EFTUD2: variants seen among roughly 807,000 people sequenced by gnomAD.
The protein encoded by EFTUD2 is 116 kDa U5 small nuclear ribonucleoprotein component.
A neutral mutation model predicts 114.3 loss-of-function variants in EFTUD2; 9 were observed. The observed-to-expected ratio is 0.08, with a 90% CI of 0.05 to 0.14. EFTUD2 has a LOEUF of 0.14. Ranked by LOEUF, EFTUD2 falls within the 10% of genes least tolerant of loss-of-function variation. The pLI is 1.00. For missense variants in EFTUD2, 765 were observed against 1,241.2 expected, an observed-to-expected ratio of 0.62 and a Z score of 5.76; for synonymous variants, 449 against 462.3, an observed-to-expected ratio of 0.97 and a Z score of 0.37.
chr17:44,880,172 G>A (rs1193735827), intron 8 of EFTUD2, among the ~76,000 whole-genome samples: 4 of 152,162 alleles, frequency 2.6e-5, no homozygotes, highest in East Asian at 1.9e-4. Context: ...GCCAAGGTGC[G>A]CTGCTCCCAA....
intron 11 of EFTUD2, among the ~76,000 whole-genome samples, chr17:44,869,913 C>T (rs1404397020): frequency 6.6e-6 from 1 of 152,184 alleles, no homozygotes; most frequent in Non-Finnish European, 1.5e-5. Flanking sequence ...TTATAGAAGT[C>T]CGAAGTTGTT....
In EFTUD2 at chr17:44,894,444, C is replaced by T; in HGVS notation, c.78G>A (p.Leu26=). 1 of 1,613,776 alleles carries T rather than the reference C, an allele frequency of 6.2e-7. No individual in the cohort carries two copies. Among genetic ancestry groups the T allele is most frequent in the South Asian group, 1.1e-5 (1 of 91,066 alleles). ...CATCAAGATCTTTGGTCTCTCTACC[C>T]AATTCATCATCATCTTCATCAGAAT... ...ELDSDEDDDE[L]GRETKDLDEM... Residue 26 remains leucine (L), a synonymous_variant, in exon 2 of 28, where the codon TTG becomes TTA. Transcript: ENST00000426333.
chr17:44,880,166 A>G (rs2051045423), intron 8 of EFTUD2, among the ~76,000 whole-genome samples: 1 of 152,178 alleles, frequency 6.6e-6, no homozygotes, highest in South Asian at 2.1e-4. Context: ...GAGTCAGCCA[A>G]GGTGCGCTGC....
At chr17:44,892,246 G>C (rs766724894) in intron 2 of EFTUD2, 1 of 152,228 alleles carries the variant, frequency 6.6e-6, no homozygotes, top group Non-Finnish European at 1.5e-5. Flanking sequence ...TCAGCATTTT[G>C]GGAGGCCAAG....
chr17:44,885,081 A>C (rs769484828), intron 4 of EFTUD2, among the ~76,000 whole-genome samples, 175 bp downstream of exon 4: 9 of 152,244 alleles, frequency 5.9e-5, no homozygotes, highest in Non-Finnish European at 1.2e-4. Context: ...GAACACCAAG[A>C]GAAAAGTTAA....
intron 15 of EFTUD2, 77 bp downstream of exon 15, chr17:44,863,575 ACTC>A: frequency 6.5e-7 from 1 of 1,546,314 alleles, no homozygotes; most frequent in East Asian, 2.3e-5. Flanking sequence ...AGTGGGCATT[ACTC>A]CTGTGACCAG....
intron 11 of EFTUD2, 128 bp downstream of exon 11, chr17:44,872,318 A>T (rs1282130124): frequency 2.4e-6 from 3 of 1,261,540 alleles, no homozygotes; most frequent in Non-Finnish European, 3.4e-6. Context: ...CCCAAATGTG[A>T]TAATAACAGG....
At chr17:44,894,765 G>A (rs1238165540) in intron 1 of EFTUD2, among the ~76,000 whole-genome samples, 2 of 152,164 alleles carry the variant, frequency 1.3e-5, no homozygotes, top group African/African-American at 4.8e-5. Context: ...GTTTTAAGGA[G>A]CAGAGAGTTG....
At chr17:44,889,843 C>T (rs1310400317) in intron 2 of EFTUD2, among the ~76,000 whole-genome samples, 1 of 152,214 alleles carries the variant, frequency 6.6e-6, no homozygotes, top group Non-Finnish European at 1.5e-5. Context: ...AGCCAGTTTT[C>T]TCCTGCCCCA....
chr17:44,886,345 T>A (rs1033421174), intron 3 of EFTUD2, among the ~76,000 whole-genome samples: 10 of 152,230 alleles, frequency 6.6e-5, no homozygotes, highest in Non-Finnish European at 1.2e-4. Context: ...TTAACGACAG[T>A]CTTCATGCAC....
At chr17:44,870,834 A>G (rs1177025018) in intron 11 of EFTUD2, among the ~76,000 whole-genome samples, 2 of 152,074 alleles carry the variant, frequency 1.3e-5, no homozygotes, top group African/African-American at 2.4e-5. Context: ...CCTGACCAAC[A>G]TGGTGAAACC....
chr17:44,878,848 G>A (rs540207522), intron 9 of EFTUD2, among the ~76,000 whole-genome samples: 1 of 152,112 alleles, frequency 6.6e-6, no homozygotes, highest in Non-Finnish European at 1.5e-5. Context: ...ATGATAACAC[G>A]AATAAGGTTA....
intron 9 of EFTUD2, among the ~76,000 whole-genome samples, chr17:44,877,111 A>C (rs1271749835): frequency 6.6e-6 from 1 of 151,944 alleles, no homozygotes; most frequent in East Asian, 1.9e-4. Context: ...TGAGTGAATC[A>C]CTTGAGCCCA....
intron 1 of EFTUD2, among the ~76,000 whole-genome samples, chr17:44,895,631 A>T (rs1567758003): frequency 6.6e-6 from 1 of 152,346 alleles, no homozygotes; most frequent in East Asian, 1.9e-4. Context: ...AAAGCCTAAA[A>T]TATTATCCAG....
chr17:44,857,591 C>T (rs1306598726), intron 19 of EFTUD2: 2 of 205,184 alleles, frequency 9.7e-6, no homozygotes, highest in African/African-American at 2.3e-5. Context: ...TGGTCTGCTG[C>T]CCAGGAAACC....
chr17:44,869,319 G>C (rs1348748168), intron 11 of EFTUD2, among the ~76,000 whole-genome samples: 1 of 152,064 alleles, frequency 6.6e-6, no homozygotes, highest in Middle Eastern at 3.2e-3. Flanking sequence ...TTTTCTTTGA[G>C]ATGGGGTCTT....
chr17:44,859,378 G>A, intron 18 of EFTUD2, 197 bp from the exon 19 acceptor site: 1 of 603,536 alleles, frequency 1.7e-6, no homozygotes, highest in Non-Finnish European at 3.0e-6. Flanking sequence ...GGACCACTCA[G>A]CATGGTGATA....
At chr17:44,858,797 A>C (rs2050603814) in intron 19 of EFTUD2, among the ~76,000 whole-genome samples, 1 of 151,940 alleles carries the variant, frequency 6.6e-6, no homozygotes, top group African/African-American at 2.4e-5. Flanking sequence ...TTTGTTGCTC[A>C]GGTTGGTCTT....
In EFTUD2 at chr17:44,876,094, G is replaced by A. The variant is rs1468147848; in HGVS notation, c.709C>T (p.Leu237=). 3 of 1,611,036 alleles carry A rather than the reference G, an allele frequency of 1.9e-6. No individual in the cohort carries two copies. The highest frequency in any genetic ancestry group is 2.5e-6 in the Non-Finnish European group (3 of 1,177,912). Reference sequence around the variant, plus strand: ...TGCTTGATCAGCCGCTCTGTGTTCAGCATCACCTGAGAAAAACAAGGCTCA... The same window carrying A: ...TGCTTGATCAGCCGCTCTGTGTTCAACATCACCTGAGAAAAACAAGGCTCA... ...LFIDAAEGVM[L]NTERLIKHAV... Residue 237 remains leucine, a synonymous_variant, in exon 10 of 28, where the codon CTG becomes TTG. Coordinates refer to ENST00000426333, the MANE Select transcript of EFTUD2 (RefSeq NM_004247.4).
Sources: allele counts gnomAD v4.1 joint callset (sites outside exome capture counted in the v4.1 genomes callset), GRCh38; gene constraint gnomAD v4.1.1; transcripts MANE v1.5; gene names NCBI Gene and HGNC (gene_info 2026-07-23, HGNC 2026-07-21).